The following RAPGEF6 variants were observed in gnomAD, a reference collection of about 807,000 sequenced individuals.
RAPGEF6 encodes PDZ domain containing guanine nucleotide exchange factor (GEF) 2.
A neutral mutation model predicts 171.4 loss-of-function variants in RAPGEF6; 56 were observed. The observed-to-expected ratio is 0.33, with a 90% confidence interval of 0.26 to 0.41. The LOEUF (loss-of-function observed/expected upper bound fraction) is 0.41. Among genes scored for constraint, RAPGEF6 ranks in the 10% least tolerant of loss-of-function variants. RAPGEF6 has a pLI of 1.00. For synonymous variants in RAPGEF6, 692 were observed against 650.1 expected, an observed-to-expected ratio of 1.06 and a Z score of -0.98; for missense variants, 1,674 against 1,921.4, an observed-to-expected ratio of 0.87 and a Z score of 2.41.
intron 19 of RAPGEF6, among the ~76,000 whole-genome samples, chr5:131,457,556 G>C (rs1330043757): frequency 6.6e-6 from 1 of 152,236 alleles, no homozygotes; most frequent in Non-Finnish European, 1.5e-5. Context: ...GTGGAATACT[G>C]CTGCATGGAT....
At chr5:131,590,521 T>C (rs1763527957) in intron 4 of RAPGEF6, among the ~76,000 whole-genome samples, 2 of 152,208 alleles carry the variant, frequency 1.3e-5, no homozygotes, top group African/African-American at 4.8e-5. Context: ...TTATTCCAGG[T>C]AGTTTATTTG....
chr5:131,584,631 G>A (rs1476255837), intron 4 of RAPGEF6, among the ~76,000 whole-genome samples: 1 of 152,150 alleles, frequency 6.6e-6, no homozygotes, highest in Non-Finnish European at 1.5e-5. Flanking sequence ...CAGTGCTATT[G>A]TAGAATTTGA....
rs1436156919 is a variant in RAPGEF6 at position 131,464,626 on chromosome 5, A to G, written c.2240-345T>C. On this transcript the variant is annotated intron_variant, in intron 17 of 27. Coordinates refer to ENST00000509018, the MANE Select transcript of RAPGEF6 (RefSeq NM_016340.6). Reference sequence around the variant, plus strand: ...GAAGACATAGTACTCCATGATATGTATTTTATATATTTCAATTATCCAAAC... The same window carrying G: ...GAAGACATAGTACTCCATGATATGTGTTTTATATATTTCAATTATCCAAAC... Among the ~76,000 whole-genome samples the G allele has an allele frequency of 2.6e-5, 4 of 152,252 alleles. No homozygotes were observed. In the East Asian group the frequency reaches 7.7e-4, roughly 29 times the overall value.
intron 15 of RAPGEF6, among the ~76,000 whole-genome samples, chr5:131,486,539 A>G (rs1307084333): frequency 6.6e-6 from 1 of 151,754 alleles, no homozygotes; most frequent in African/African-American, 2.4e-5. Context: ...TCTTCCTTAC[A>G]TTTTCTTTTA....
intron 5 of RAPGEF6, among the ~76,000 whole-genome samples, chr5:131,556,188 C>T (rs905130067): frequency 1.3e-5 from 2 of 152,148 alleles, no homozygotes; most frequent in South Asian, 2.1e-4. Flanking sequence ...GCCTGTAATC[C>T]CAGCACTTCG....
chr5:131,613,415 C>G (rs1765064152), intron 1 of RAPGEF6, among the ~76,000 whole-genome samples: 1 of 150,982 alleles, frequency 6.6e-6, no homozygotes, highest in Non-Finnish European at 1.5e-5. Context: ...GTGTGTCTGT[C>G]TGTCTGTGTG....
intron 21 of RAPGEF6, among the ~76,000 whole-genome samples, chr5:131,451,907 A>G (rs1753104562): frequency 6.6e-6 from 1 of 152,130 alleles, no homozygotes; most frequent in Non-Finnish European, 1.5e-5. Flanking sequence ...TAAAACCACA[A>G]TGTCTTATTT....
chr5:131,529,162 A>G (rs1759193989), intron 6 of RAPGEF6, among the ~76,000 whole-genome samples: 1 of 152,032 alleles, frequency 6.6e-6, no homozygotes, highest in African/African-American at 2.4e-5. Context: ...GGAAAAAAAA[A>G]AAAAAAGAGT....
At chr5:131,436,535 A>G (rs1752017973) in intron 24 of RAPGEF6, among the ~76,000 whole-genome samples, 1 of 152,226 alleles carries the variant, frequency 6.6e-6, no homozygotes, top group Admixed American at 6.5e-5. Context: ...AAATCTACTT[A>G]TATATAAAAC....
At chr5:131,561,485 C>T (rs1761597243) in intron 5 of RAPGEF6, among the ~76,000 whole-genome samples, 1 of 151,848 alleles carries the variant, frequency 6.6e-6, no homozygotes, top group Admixed American at 6.6e-5. Context: ...TGGTGAAACC[C>T]CCATGGCTGC....
chr5:131,504,066 T>G (rs1185447777), intron 11 of RAPGEF6, among the ~76,000 whole-genome samples: 1 of 152,174 alleles, frequency 6.6e-6, no homozygotes, highest in Non-Finnish European at 1.5e-5. Flanking sequence ...CATACAATAT[T>G]AAGTTTGAAA....
chr5:131,557,528 A>AT (rs1345546030), intron 5 of RAPGEF6, among the ~76,000 whole-genome samples: 1 of 152,018 alleles, frequency 6.6e-6, no homozygotes, highest in Non-Finnish European at 1.5e-5. Flanking sequence ...ACAGTTTTAT[A>AT]TTTTTTTCCA....
chr5:131,603,436 A>C, intron 2 of RAPGEF6, 109 bp from the exon 3 acceptor site: 1 of 693,238 alleles, frequency 1.4e-6, no homozygotes, highest in Non-Finnish European at 2.4e-6. Context: ...AAAATGACCA[A>C]ATCTACCAGT....
chr5:131,548,573 A>G (rs1760704747), intron 5 of RAPGEF6, among the ~76,000 whole-genome samples: 1 of 152,242 alleles, frequency 6.6e-6, no homozygotes, highest in African/African-American at 2.4e-5. Flanking sequence ...TTATGGTTTT[A>G]GTTAATTGTT....
At chr5:131,608,373 A>C (rs1166018092) in intron 1 of RAPGEF6, among the ~76,000 whole-genome samples, 1 of 152,238 alleles carries the variant, frequency 6.6e-6, no homozygotes, top group African/African-American at 2.4e-5. Context: ...AAAAAAGACT[A>C]CTTTACAAAT....
At chr5:131,618,277 G>A (rs985834870) in intron 1 of RAPGEF6, among the ~76,000 whole-genome samples, 1 of 152,128 alleles carries the variant, frequency 6.6e-6, no homozygotes, top group Non-Finnish European at 1.5e-5. Context: ...GAGGAGAAAG[G>A]AAGGTGAGGA....
At chr5:131,507,340 C>G (rs2149891593) in intron 9 of RAPGEF6, among the ~76,000 whole-genome samples, 1 of 151,926 alleles carries the variant, frequency 6.6e-6, no homozygotes, top group South Asian at 2.1e-4. Flanking sequence ...GAATAACAGG[C>G]TAGCAGCTGT....
Position 131,446,506 on chromosome 5 carries a change from T to C in RAPGEF6, c.3398A>G (p.Gln1133Arg). The change falls in exon 22 of 28, where the codon CAG (glutamine) becomes CGG (arginine). Residue 1133 changes from glutamine to arginine, a missense_variant. Physicochemically the swap from Gln to Arg is conservative, Grantham distance 43. Around this residue, in one of 3 missense-constraint regions of RAPGEF6, gnomAD observed 552 missense variants for 574.2 expected, o/e 0.96. Transcript: ENST00000509018. The stretch of plus-strand genomic sequence containing the variant: ...ACAGGTACCATATGCAGGCTCCCAC[T>C]GTAATGACATCATCTGGAACTTCTC... ...DEEKFQMMSL[Q>R]WEPAYGTLTK... 6.2e-7 allele frequency: 1 copy of C among 1,614,188 alleles called. No homozygotes were observed. The highest frequency in any genetic ancestry group is 8.5e-7 in the Non-Finnish European group (1 of 1,179,990).
intron 18 of RAPGEF6, chr5:131,463,632 A>G: frequency 2.7e-6 from 2 of 735,648 alleles, no homozygotes; most frequent in Non-Finnish European, 3.3e-6. Context: ...GAAATAATCT[A>G]GTTTATTAAA....
Sources: gnomAD v4.1 joint callset for allele counts (sites outside exome capture counted in the v4.1 genomes callset) on GRCh38, gnomAD v4.1.1 for gene constraint, gnomAD v4.1.1 regional missense constraint, MANE v1.5 for transcripts, NCBI Gene and HGNC (gene_info 2026-07-23, HGNC 2026-07-21) for gene names.